The following COL14A1 variants were observed in gnomAD, a reference collection of about 807,000 sequenced individuals.
COL14A1 encodes the protein collagen type XIV alpha 1 chain.
A neutral mutation model predicts 230.3 loss-of-function variants in COL14A1; 136 were observed. That is an observed-to-expected ratio of 0.59 (90% CI 0.51 to 0.68). The LOEUF is 0.68. Ranked by LOEUF, COL14A1 falls within the 30% of genes least tolerant of loss-of-function variation. The pLI is 0.00. For missense variants in COL14A1, 1,976 were observed against 2,215.8 expected (o/e 0.89, Z 2.17); for synonymous variants, 792 against 784.1 (o/e 1.01, Z -0.17).
Position 120,168,865 on chromosome 8 carries a change from GT to G in COL14A1, c.436+626del, listed in dbSNP as rs902260498. 4.0e-5 allele frequency among the ~76,000 whole-genome samples: 6 copies of G among 151,484 alleles called. No individual in the cohort carries two copies. The East Asian group carries it at 5.8e-4, about 15-fold the overall frequency. ...TTTATTGATTAGTCCCCCCAACCCCGTTTTTTTTGAGGCAGGATCTCACTCT... is the reference window on the plus strand; with the variant it reads ...TTTATTGATTAGTCCCCCCAACCCCGTTTTTTTGAGGCAGGATCTCACTCT... On this transcript the variant is annotated intron_variant, in intron 5 of 47. Transcript: ENST00000297848.
chr8:120,127,529 T>C (rs1334609732), intron 1 of COL14A1, among the ~76,000 whole-genome samples: 1 of 152,218 alleles, frequency 6.6e-6, no homozygotes, highest in Non-Finnish European at 1.5e-5. Flanking sequence ...CAGAGAACTC[T>C]TGGGGCCCTC....
chr8:120,344,994 T>C (rs530868574), intron 44 of COL14A1, among the ~76,000 whole-genome samples: 2 of 152,244 alleles, frequency 1.3e-5, no homozygotes, highest in East Asian at 3.9e-4. Context: ...GGAGGCTTTG[T>C]GCGTTTTAGA....
rs1305729695 is a variant in COL14A1, at chr8:120,345,397, C to T, written c.4911C>T (p.Ala1637=). The change falls in exon 45 of 48, where the codon GCC becomes GCT. Residue 1637 remains alanine (A), a synonymous_variant. Coordinates refer to ENST00000297848, the MANE Select transcript of COL14A1 (RefSeq NM_021110.4). ...LIQSHMARYT[A]ILNQIPSHSS... ...CAGGTCACATGGCCAGGTACACTGC[C>T]ATCCTCAACCAGATTCCCAGCCACT... 9 of 1,594,518 alleles carry T rather than the reference C, an allele frequency of 5.6e-6. No homozygotes were observed. Among genetic ancestry groups the T allele is most frequent in the Non-Finnish European group, 7.7e-6 (9 of 1,172,002 alleles).
At chr8:120,301,673 A>T (rs1820714770) in intron 36 of COL14A1, among the ~76,000 whole-genome samples, 1 of 152,112 alleles carries the variant, frequency 6.6e-6, no homozygotes, top group African/African-American at 2.4e-5. Flanking sequence ...ATTCGTGTGT[A>T]TATGTCTTTA....
At chr8:120,157,403 C>G (rs1228743805) in intron 2 of COL14A1, among the ~76,000 whole-genome samples, 6 of 152,010 alleles carry the variant, frequency 3.9e-5, no homozygotes, top group Non-Finnish European at 4.4e-5. Flanking sequence ...TATTGAATTA[C>G]CAAAGTGAAA....
At chr8:120,354,578 T>C (rs950932901) in intron 45 of COL14A1, among the ~76,000 whole-genome samples, 1 of 152,192 alleles carries the variant, frequency 6.6e-6, no homozygotes, top group Non-Finnish European at 1.5e-5. Flanking sequence ...TAAAAGAAGA[T>C]TGCACTTTTG....
chr8:120,259,157 A>G (rs1819252632), intron 23 of COL14A1, among the ~76,000 whole-genome samples: 1 of 152,174 alleles, frequency 6.6e-6, no homozygotes. Context: ...ACCTATGATC[A>G]GAATTAAACT....
At chr8:120,229,231 A>C (rs1177686019) in intron 18 of COL14A1, among the ~76,000 whole-genome samples, 1 of 150,538 alleles carries the variant, frequency 6.6e-6, no homozygotes, top group East Asian at 2.0e-4. Flanking sequence ...ATCTAGCATT[A>C]GGTATATCTC....
At chr8:120,200,765 A>ATG (rs1563668143) in intron 8 of COL14A1, among the ~76,000 whole-genome samples, 12 of 92,152 alleles carry the variant, frequency 1.3e-4, no homozygotes, top group African/African-American at 4.9e-4. Flanking sequence ...ATATATATAT[A>ATG]TTATTTTTCA....
intron 34 of COL14A1, among the ~76,000 whole-genome samples, chr8:120,293,466 T>C (rs897570077): frequency 2.6e-5 from 3 of 113,514 alleles, no homozygotes; most frequent in Admixed American, 1.8e-4. Context: ...AGGCAGTGTG[T>C]ATTTTCCTGG....
chr8:120,129,333 T>G (rs1814450554), intron 1 of COL14A1, among the ~76,000 whole-genome samples: 1 of 152,194 alleles, frequency 6.6e-6, no homozygotes, highest in South Asian at 2.1e-4. Flanking sequence ...TTATACTGAT[T>G]ACAGATGTAC....
intron 14 of COL14A1, among the ~76,000 whole-genome samples, chr8:120,218,240 A>G (rs1374839482): frequency 1.5e-5 from 2 of 133,148 alleles, no homozygotes; most frequent in African/African-American, 5.7e-5. Context: ...ATATATAAAT[A>G]TAAATATATA....
At chr8:120,274,001 A>G (rs1819760252) in intron 26 of COL14A1, among the ~76,000 whole-genome samples, 1 of 151,826 alleles carries the variant, frequency 6.6e-6, no homozygotes, top group Non-Finnish European at 1.5e-5. Context: ...ATTACCTGAT[A>G]CAAAAACCAG....
intron 18 of COL14A1, among the ~76,000 whole-genome samples, chr8:120,230,023 G>A (rs954810051): frequency 2.6e-5 from 4 of 152,158 alleles, no homozygotes; most frequent in African/African-American, 9.7e-5. Context: ...TGGGACTACA[G>A]ACATGTGTCA....
At chr8:120,204,803 T>C (rs1467018900) in intron 9 of COL14A1, among the ~76,000 whole-genome samples, 1 of 152,224 alleles carries the variant, frequency 6.6e-6, no homozygotes, top group East Asian at 1.9e-4. Context: ...CTGCTAGGTC[T>C]CCTCTGACAC....
At chr8:120,147,954 G>A (rs757421326) in intron 2 of COL14A1, 24 bp downstream of exon 2, 2 of 1,506,116 alleles carry the variant, frequency 1.3e-6, no homozygotes, top group Non-Finnish European at 1.8e-6. Context: ...TTGAGAATCA[G>A]TAGGGTCTGG....
rs1586770611 is a variant in COL14A1 at position 120,212,459 on chromosome 8, A to G, written c.1479A>G (p.Gly493=). The change falls in exon 13 of 48, where the codon GGA becomes GGG. Residue 493 remains glycine, a synonymous_variant. Coordinates refer to ENST00000297848, the MANE Select transcript of COL14A1 (RefSeq NM_021110.4). The part of the protein sequence containing the change: ...LAGDEKEMKI[G]ETHTDIELSG... The stretch of plus-strand genomic sequence containing the variant: ...TGTGTTCTTTTCAGATGAAAATTGG[A>G]GAGACCCACACAGATATTGAATTGA... The G allele has an allele frequency of 1.2e-6, 2 of 1,613,128 alleles. No individual in the cohort carries two copies. Among genetic ancestry groups the G allele is most frequent in the East Asian group, 4.5e-5 (2 of 44,838 alleles).
intron 34 of COL14A1, among the ~76,000 whole-genome samples, chr8:120,293,811 AC>A (rs1412773884): frequency 6.6e-6 from 1 of 151,806 alleles, no homozygotes; most frequent in Non-Finnish European, 1.5e-5. Flanking sequence ...AATCAAAACT[AC>A]CCCCCAAGTG....
rs1162335564 is a variant in COL14A1, at chr8:120,168,253, A to C, written c.436+6A>C. On this transcript the variant is annotated splice_donor_region_variant and intron_variant, in intron 5 of 47. Coordinates refer to ENST00000297848, the MANE Select transcript of COL14A1 (RefSeq NM_021110.4). ...TAGACCATCTTCACCAGAAGGTCAGAGACGATTTTAATTAACTCATATTGG... is the reference window on the plus strand; with the variant it reads ...TAGACCATCTTCACCAGAAGGTCAGCGACGATTTTAATTAACTCATATTGG... 6.3e-7 allele frequency: 1 copy of C among 1,598,790 alleles called. No homozygotes were observed. The highest frequency in any genetic ancestry group is 2.2e-5 in the East Asian group (1 of 44,778).
Sources: gnomAD v4.1 joint callset for allele counts (sites outside exome capture counted in the v4.1 genomes callset) on GRCh38, gnomAD v4.1.1 for gene constraint, MANE v1.5 for transcripts, NCBI Gene and HGNC (gene_info 2026-07-23, HGNC 2026-07-21) for gene names.